MAJIN: variants seen among roughly 807,000 people sequenced by gnomAD.
MAJIN encodes membrane-anchored junction protein.
Under a neutral mutation model 30.2 loss-of-function variants are expected in MAJIN, and 27 were observed. That is an observed-to-expected ratio of 0.89 (90% CI 0.66 to 1.23). MAJIN has a LOEUF of 1.23. Among genes scored for constraint, MAJIN ranks in the 50% most tolerant of loss-of-function variants. The pLI, the probability that MAJIN is intolerant of heterozygous loss-of-function variation, is 0.00. For missense variants in MAJIN, 253 were observed against 260.3 expected (o/e 0.97, Z 0.19); for synonymous variants, 78 against 91.6 (o/e 0.85, Z 0.85).
rs1172864843 is a variant in MAJIN at position 64,946,247 on chromosome 11, T to C, written c.473+1127A>G. On this transcript the variant is annotated intron_variant, in intron 8 of 10. Coordinates refer to ENST00000301896, the MANE Select transcript of MAJIN (RefSeq NM_001037225.3). Reference sequence around the variant, plus strand: ...TGGCCCAAATGAATATTTCAGCAGGTTGGCTATTGTTATACTACTCCTGGC... The same window carrying C: ...TGGCCCAAATGAATATTTCAGCAGGCTGGCTATTGTTATACTACTCCTGGC... 13 of 1,353,806 alleles carry C rather than the reference T, an allele frequency of 9.6e-6. No individual in the cohort carries two copies. In the East Asian group the frequency reaches 2.7e-4, roughly 28 times the overall value. The allele number at this position is 1,353,806 out of a possible 1,614,324, so 83.9% of individuals were successfully genotyped here. A position where few individuals can be genotyped will look rare whatever the true frequency, so the allele number is the denominator to read the frequency against.
intron 8 of MAJIN, 98 bp from the exon 9 acceptor site, chr11:64,940,744 T>C: frequency 1.9e-6 from 2 of 1,073,170 alleles, no homozygotes; most frequent in Admixed American, 1.8e-5. Flanking sequence ...ATATCAGCAC[T>C]GGGGCCTGGC....
At chr11:64,969,492 T>TAAAA (rs746932402) in intron 1 of MAJIN, among the ~76,000 whole-genome samples, 1 of 138,928 alleles carries the variant, frequency 7.2e-6, no homozygotes, top group Admixed American at 7.2e-5. Context: ...GGCTGTGACT[T>TAAAA]AAAAAAAAAA....
chr11:64,958,461 T>A (rs1042426233), intron 3 of MAJIN, among the ~76,000 whole-genome samples: 8 of 151,414 alleles, frequency 5.3e-5, no homozygotes, highest in South Asian at 2.1e-4. Context: ...ACAAAAAAAA[T>A]TTTAAAATTA....
intron 1 of MAJIN, among the ~76,000 whole-genome samples, chr11:64,971,198 C>T (rs1356084071): frequency 6.6e-6 from 1 of 152,002 alleles, no homozygotes; most frequent in African/African-American, 2.4e-5. Context: ...GAGGCAGAGG[C>T]GGGTGGATCA....
At chr11:64,957,046 C>T (rs1045435803) in intron 3 of MAJIN, among the ~76,000 whole-genome samples, 1 of 149,970 alleles carries the variant, frequency 6.7e-6, no homozygotes, top group Non-Finnish European at 1.5e-5. Flanking sequence ...GGATTACAGG[C>T]GTGAGCCACC....
At chr11:64,954,959 T>A (rs1945609512) in intron 3 of MAJIN, among the ~76,000 whole-genome samples, 157 bp from the exon 4 acceptor site, 1 of 152,210 alleles carries the variant, frequency 6.6e-6, no homozygotes. Flanking sequence ...GAAGAAGTGA[T>A]CACCTAGGTG....
Position 64,946,192 on chromosome 11 carries a change from A to C in MAJIN, c.473+1182T>G, listed in dbSNP as rs1482358801. On this transcript the variant is annotated intron_variant, in intron 8 of 10. Transcript: ENST00000301896. ...AAAATATGCAGGAAATGTTACTGGC[A>C]GAGGCAATATCACTACATTCAAGCA... 6 of 1,516,240 alleles carry C rather than the reference A, an allele frequency of 4.0e-6. No homozygotes were observed. In the Admixed American group the frequency reaches 1.2e-4, roughly 31 times the overall value. 93.9% of individuals were successfully genotyped at this position (1,516,240 alleles called of 1,614,324 possible).
chr11:64,971,701 C>T (rs1945909230), intron 1 of MAJIN, among the ~76,000 whole-genome samples, 176 bp downstream of exon 1: 1 of 152,058 alleles, frequency 6.6e-6, no homozygotes, highest in African/African-American at 2.4e-5. Context: ...ACGGCCTGCA[C>T]CCTGGGCGAG....
intron 10 of MAJIN, among the ~76,000 whole-genome samples, chr11:64,939,333 C>T (rs1336025474): frequency 6.6e-6 from 1 of 152,170 alleles, no homozygotes; most frequent in Non-Finnish European, 1.5e-5. Flanking sequence ...CTCCTGACCT[C>T]AAGTGATCCA....
chr11:64,960,615 A>G (rs1945706969), intron 1 of MAJIN, among the ~76,000 whole-genome samples: 1 of 152,200 alleles, frequency 6.6e-6, no homozygotes, highest in Admixed American at 6.5e-5. Context: ...GGAGGAAAAA[A>G]CAAGACAATA....
chr11:64,954,674 G>T, intron 4 of MAJIN, 83 bp downstream of exon 4: 2 of 1,387,084 alleles, frequency 1.4e-6, no homozygotes, highest in Non-Finnish European at 2.1e-6. Context: ...TTGTGACTCA[G>T]TTTGTAGGAA....
intron 8 of MAJIN, among the ~76,000 whole-genome samples, chr11:64,946,359 G>A (rs1945451906): frequency 6.6e-6 from 1 of 152,156 alleles, no homozygotes; most frequent in Non-Finnish European, 1.5e-5. Context: ...TAGGGATCTG[G>A]GGTTTGAGAA....
intron 1 of MAJIN, among the ~76,000 whole-genome samples, chr11:64,960,776 TC>T: frequency 6.6e-6 from 1 of 152,298 alleles, no homozygotes; most frequent in East Asian, 1.9e-4. Context: ...AGTCACAAGT[TC>T]TACGTGCCCG....
At chr11:64,944,471 C>T (rs1453053960) in intron 8 of MAJIN, among the ~76,000 whole-genome samples, 1 of 152,156 alleles carries the variant, frequency 6.6e-6, no homozygotes, top group East Asian at 1.9e-4. Flanking sequence ...GCATTCTGGG[C>T]AACATGGCAA....
intron 3 of MAJIN, among the ~76,000 whole-genome samples, 153 bp from the exon 4 acceptor site, chr11:64,954,955 G>A (rs1307666812): frequency 6.6e-6 from 1 of 152,232 alleles, no homozygotes; most frequent in Non-Finnish European, 1.5e-5. Context: ...TGGGGAAGAA[G>A]TGATCACCTA....
intron 5 of MAJIN, 68 bp downstream of exon 5, chr11:64,950,287 G>GCCAT: frequency 7.8e-7 from 1 of 1,276,952 alleles, no homozygotes; most frequent in South Asian, 1.4e-5. Context: ...CCAAGATCAT[G>GCCAT]CCATTGCACT....
At position 64,949,743 on chromosome 11, in the gene MAJIN, C is replaced by G; in HGVS notation, c.349G>C (p.Gly117Arg). 1 of 1,612,672 alleles carries G rather than the reference C, an allele frequency of 6.2e-7. No homozygotes were observed. Among genetic ancestry groups the G allele is most frequent in the Non-Finnish European group, 8.5e-7 (1 of 1,179,924 alleles). ...MKWFHENLSPGKPISDSPLGL... is the reference protein window; with the variant it reads ...MKWFHENLSPRKPISDSPLGL... ...TCCACATTCACATCATTCCACTTAC[C>G]AGGTGACAGGTTTTCATGGAACCAT... Residue 117 changes from glycine (G) to arginine (R), a missense_variant and splice_region_variant, in exon 6 of 11, where the codon GGG becomes CGG. Transcript: ENST00000301896.
At chr11:64,971,028 C>G (rs991466909) in intron 1 of MAJIN, among the ~76,000 whole-genome samples, 13 of 152,172 alleles carry the variant, frequency 8.5e-5, no homozygotes, top group Non-Finnish European at 1.9e-4. Context: ...GGCAAAGCGG[C>G]TCACACCTGT....
chr11:64,950,151 G>A (rs1246510311), intron 5 of MAJIN, among the ~76,000 whole-genome samples: 1 of 152,048 alleles, frequency 6.6e-6, no homozygotes, highest in Admixed American at 6.6e-5. Context: ...CCAACATGGT[G>A]AAATAGCGCC....
Sources: allele counts gnomAD v4.1 joint callset (sites outside exome capture counted in the v4.1 genomes callset), GRCh38; gene constraint gnomAD v4.1.1; transcripts MANE v1.5; gene names NCBI Gene and HGNC (gene_info 2026-07-23, HGNC 2026-07-21).